The following OR2V2 variants were observed in gnomAD, a reference collection of about 807,000 sequenced individuals.
The protein encoded by OR2V2 is olfactory receptor family 2 subfamily V member 2.
For missense variants in OR2V2, 392 were observed against 392.2 expected (o/e 1.00, Z 0.00); for synonymous variants, 161 against 151.3 (o/e 1.06, Z -0.47).
At chr5:181,148,527 A>G (rs143481058) in intron 1 of OR2V2, among the ~76,000 whole-genome samples, 1 of 152,402 alleles carries the variant, frequency 6.6e-6, no homozygotes, top group Non-Finnish European at 1.5e-5. Flanking sequence ...TGAGCCAGTG[A>G]GATGCAAGAA....
intron 1 of OR2V2, among the ~76,000 whole-genome samples, chr5:181,151,945 T>C (rs1331392184): frequency 6.7e-6 from 1 of 148,340 alleles, no homozygotes; most frequent in African/African-American, 2.5e-5. Flanking sequence ...ATCATGCCAC[T>C]GTGCTCCAGT....
intron 1 of OR2V2, among the ~76,000 whole-genome samples, 165 bp from the exon 2 acceptor site, chr5:181,154,754 C>G (rs1763235375): frequency 6.6e-6 from 1 of 152,104 alleles, no homozygotes; most frequent in African/African-American, 2.4e-5. Context: ...GCCAGGAGGG[C>G]CCCCACCGCT....
At chr5:181,150,848 G>A (rs992768359) in intron 1 of OR2V2, among the ~76,000 whole-genome samples, 6 of 152,080 alleles carry the variant, frequency 3.9e-5, no homozygotes, top group Admixed American at 6.6e-5. Context: ...ACGATGGTGC[G>A]CACTTGTGGT....
Position 181,154,417 on chromosome 5 carries a change from G to A in OR2V2, c.-24-502G>A, listed in dbSNP as rs574234041. On this transcript the variant is annotated intron_variant, in intron 1 of 1. Transcript: ENST00000641492. ...ATCCTGCCTAACACGGTGAAACCCC[G>A]TCTCTACTAAAAATACAAAAAAATT... Among the ~76,000 whole-genome samples, 594 of 152,070 alleles carry A rather than the reference G, an allele frequency of 3.9e-3. 7 individuals are homozygous for A. Among genetic ancestry groups the A allele is most frequent in the African/African-American group, 0.014 (563 of 41,494 alleles).
At chr5:181,151,383 G>A (rs141030085) in intron 1 of OR2V2, among the ~76,000 whole-genome samples, 3 of 152,292 alleles carry the variant, frequency 2.0e-5, no homozygotes, top group Admixed American at 2.0e-4. Context: ...GGCTTAAGTT[G>A]CAGGCGATGC....
At chr5:181,151,109 G>A (rs984339340) in intron 1 of OR2V2, among the ~76,000 whole-genome samples, 2 of 152,204 alleles carry the variant, frequency 1.3e-5, no homozygotes, top group Admixed American at 6.5e-5. Context: ...GAAGACACGT[G>A]GGGGAGACCT....
In OR2V2 at chr5:181,155,362, G is replaced by A. The variant is rs200506840; in HGVS notation, c.420G>A (p.Arg140=). 1.9e-6 allele frequency: 3 copies of A among 1,614,106 alleles called. No homozygotes were observed. The highest frequency in any genetic ancestry group is 4.5e-5 in the East Asian group (2 of 44,884). ...PLHYPILMNQ[R]VCLQITGSSW... is the part of the protein sequence containing the mutation. ...ACTATCCCATCCTCATGAATCAGAG[G>A]GTCTGTCTCCAGATTACTGGGAGCT... The change falls in exon 2 of 2, where the codon AGG becomes AGA. Residue 140 remains arginine (R), a synonymous_variant. Coordinates refer to ENST00000641492, the MANE Select transcript of OR2V2 (RefSeq NM_206880.2).
chr5:181,158,250 A>AC lies in OR2V2; in HGVS notation c.*2361dup, dbSNP rs1434554871. 1 of 152,042 alleles carries AC rather than the reference A, an allele frequency of 6.6e-6. No homozygotes were observed. The highest frequency in any genetic ancestry group is 1.5e-5 in the Non-Finnish European group (1 of 68,004). 9.4% of individuals were successfully genotyped at this position (152,042 alleles called of 1,614,324 possible). A position where few individuals can be genotyped will look rare whatever the true frequency, so the allele number is the denominator to read the frequency against. On this transcript the variant is annotated 3_prime_UTR_variant, in exon 2 of 2. Transcript: ENST00000641492. ...CTCCTTATGAAACAAGAGTTGCATA[A>AC]CTAGTCTCAGTGTGAGCAACTGCAA...
chr5:181,149,490 G>A (rs985369859), intron 1 of OR2V2, among the ~76,000 whole-genome samples: 10 of 152,176 alleles, frequency 6.6e-5, no homozygotes, highest in Admixed American at 4.6e-4. Flanking sequence ...AGTACACAGC[G>A]GGTGTAAGAA....
rs1488519642 is a variant in OR2V2, at chr5:181,156,492, A to G, written c.*602A>G. On this transcript the variant is annotated 3_prime_UTR_variant, in exon 2 of 2. Coordinates refer to ENST00000641492, the MANE Select transcript of OR2V2 (RefSeq NM_206880.2). ...AATTATTTTACACTATACATTGAAAATGAATATAGGACATTGTAAATCAGC... is the reference window on the plus strand; with the variant it reads ...AATTATTTTACACTATACATTGAAAGTGAATATAGGACATTGTAAATCAGC... The G allele has an allele frequency of 6.6e-6, 1 of 152,344 alleles. No homozygotes were observed. Among genetic ancestry groups the G allele is most frequent in the Non-Finnish European group, 1.5e-5 (1 of 68,146 alleles). The allele number at this position is 152,344 out of a possible 1,614,324, so 9.4% of individuals were successfully genotyped here.
intron 1 of OR2V2, among the ~76,000 whole-genome samples, chr5:181,151,555 G>A (rs1240693946): frequency 2.0e-5 from 3 of 152,196 alleles, no homozygotes; most frequent in South Asian, 2.1e-4. Context: ...GGCAAAAGTG[G>A]ACTTGAGCTG....
rs1244021781 is a variant in OR2V2, at chr5:181,158,583, T to G, written c.*2693T>G. ...CTGAGGCTGCAATGACCCATGATCA[T>G]GCCACTGCACTCCAGCCTGGGCCAC... On this transcript the variant is annotated 3_prime_UTR_variant, in exon 2 of 2. Transcript: ENST00000641492. The G allele has an allele frequency of 6.6e-6, 1 of 152,122 alleles. No homozygotes were observed. The highest frequency in any genetic ancestry group is 1.5e-5 in the Non-Finnish European group (1 of 68,018). 9.4% of individuals were successfully genotyped at this position (152,122 alleles called of 1,614,324 possible).
At chr5:181,154,158 TAGAG>T (rs1355870671) in intron 1 of OR2V2, among the ~76,000 whole-genome samples, 4 of 152,132 alleles carry the variant, frequency 2.6e-5, no homozygotes, top group African/African-American at 4.8e-5. Context: ...TCTCAGAACA[TAGAG>T]AGAGACTCCA....
rs59712201 is a variant in OR2V2 at position 181,156,039 on chromosome 5, GTTCT to G, written c.*180_*183del. 8.1e-3 allele frequency: 3,989 copies of G among 494,514 alleles called. 21 individuals carry two copies. The highest frequency in any genetic ancestry group is 9.1e-3 in the Non-Finnish European group (2,659 of 291,316). 30.6% of individuals were successfully genotyped at this position (494,514 alleles called of 1,614,324 possible). ...GAAGGTCTTTTTAAACACTACATCA[GTTCT>G]TTCTTTCTTTCTTTCTTTCTTTCTT... is the stretch of plus-strand genomic sequence containing the variant. On this transcript the variant is annotated 3_prime_UTR_variant, in exon 2 of 2. Coordinates refer to ENST00000641492, the MANE Select transcript of OR2V2 (RefSeq NM_206880.2).
At chr5:181,151,453 G>T (rs1023389241) in intron 1 of OR2V2, among the ~76,000 whole-genome samples, 5 of 152,202 alleles carry the variant, frequency 3.3e-5, no homozygotes, top group Non-Finnish European at 7.3e-5. Flanking sequence ...ACTGACCCCA[G>T]CTGCAGCCCT....
chr5:181,154,863 G>A, intron 1 of OR2V2, 56 bp from the exon 2 acceptor site: 1 of 955,650 alleles, frequency 1.0e-6, no homozygotes, highest in East Asian at 2.4e-5. Context: ...AGACATAGCA[G>A]CAGAGGTCTA....
chr5:181,155,921 T>A lies in OR2V2; in HGVS notation c.*31T>A. 1 of 1,572,076 alleles carries A rather than the reference T, an allele frequency of 6.4e-7. No homozygotes were observed. Among genetic ancestry groups the A allele is most frequent in the Non-Finnish European group, 8.7e-7 (1 of 1,150,266 alleles). ...GGGCATCCAGTGCCTGGCTCTGCCA[T>A]CTCTTAGCTCCAGGGATGTCGGGTT... On this transcript the variant is annotated 3_prime_UTR_variant, in exon 2 of 2. Transcript: ENST00000641492.
chr5:181,158,496 G>A lies in OR2V2; in HGVS notation c.*2606G>A, dbSNP rs1203545118. ...AAAGTACAAAAATCAGCCGGGCGTG[G>A]TTACTTGGGAGGCTGAGTTCCTTGG... On this transcript the variant is annotated 3_prime_UTR_variant, in exon 2 of 2. Coordinates refer to ENST00000641492, the MANE Select transcript of OR2V2 (RefSeq NM_206880.2). 1.3e-5 allele frequency: 2 copies of A among 152,158 alleles called. No homozygotes were observed. The highest frequency in any genetic ancestry group is 1.5e-5 in the Non-Finnish European group (1 of 68,016). 9.4% of individuals were successfully genotyped at this position (152,158 alleles called of 1,614,324 possible).
intron 1 of OR2V2, among the ~76,000 whole-genome samples, chr5:181,148,315 C>A (rs772551782): frequency 1.1e-4 from 17 of 152,020 alleles, no homozygotes; most frequent in African/African-American, 2.2e-4. Flanking sequence ...AGTGGTCCAC[C>A]GCAGGAAGAC....
Sources: allele counts gnomAD v4.1 joint callset (sites outside exome capture counted in the v4.1 genomes callset), GRCh38; gene constraint gnomAD v4.1.1; transcripts MANE v1.5; gene names NCBI Gene and HGNC (gene_info 2026-07-23, HGNC 2026-07-21).